SPIN1: variants seen among roughly 807,000 people sequenced by gnomAD.
SPIN1 encodes spindlin-1.
SPIN1 carries 3 observed loss-of-function variants against 26.0 expected under a neutral mutation model. The observed-to-expected ratio is 0.12, with a 90% CI of 0.05 to 0.30. SPIN1 has a LOEUF of 0.30. SPIN1 is among the 10% of genes least tolerant of loss of function. The pLI, the probability that SPIN1 is intolerant of heterozygous loss-of-function variation, is 1.00. For synonymous variants in SPIN1, 101 were observed against 116.5 expected (o/e 0.87, Z 0.86); for missense variants, 126 against 333.4 (o/e 0.38, Z 4.84).
chr9:88,389,941 A>G (rs925566965), intron 1 of SPIN1, among the ~76,000 whole-genome samples: 19 of 150,988 alleles, frequency 1.3e-4, no homozygotes, highest in African/African-American at 4.6e-4. Flanking sequence ...CCTCAGCTTT[A>G]GTTAAAAGGC....
At chr9:88,471,679 A>AAAAAAAAAAT in intron 5 of SPIN1, among the ~76,000 whole-genome samples, 1 of 150,334 alleles carries the variant, frequency 6.7e-6, no homozygotes, top group Non-Finnish European at 1.5e-5. Flanking sequence ...AAAAAAAAAA[A>AAAAAAAAAAT]GAAAATCAGT....
chr9:88,421,408 T>A (rs1379592006), intron 1 of SPIN1, among the ~76,000 whole-genome samples: 2 of 152,096 alleles, frequency 1.3e-5, no homozygotes, highest in Non-Finnish European at 2.9e-5. Context: ...TCTCATGTGA[T>A]CCTCCTACCT....
At chr9:88,426,710 T>C in intron 2 of SPIN1, 119 bp downstream of exon 2, 1 of 790,252 alleles carries the variant, frequency 1.3e-6, no homozygotes, top group Non-Finnish European at 2.0e-6. Context: ...ATTTCTAGTA[T>C]GTTATACACA....
At chr9:88,454,717 A>G (rs1828435850) in intron 3 of SPIN1, among the ~76,000 whole-genome samples, 3 of 152,202 alleles carry the variant, frequency 2.0e-5, no homozygotes, top group Admixed American at 2.0e-4. Flanking sequence ...TTAAGTAGGT[A>G]CTAGTTGGAA....
rs190778107 is a variant in SPIN1, at chr9:88,392,329, C to G, written c.-159+3791C>G. On this transcript the variant is annotated intron_variant, in intron 1 of 5. Coordinates refer to ENST00000375859, the MANE Select transcript of SPIN1 (RefSeq NM_006717.3). The stretch of plus-strand genomic sequence containing the variant: ...CCTTTATAGAACAAGTCGTGTTTGG[C>G]TAAATATATAAACACAGATGTATCC... Among the ~76,000 whole-genome samples the G allele has an allele frequency of 2.0e-5, 3 of 152,204 alleles. No individual in the cohort carries two copies. In the East Asian group the frequency reaches 5.8e-4, roughly 29 times the overall value.
intron 3 of SPIN1, among the ~76,000 whole-genome samples, chr9:88,452,163 C>T (rs1828367682): frequency 6.6e-6 from 1 of 152,136 alleles, no homozygotes; most frequent in Non-Finnish European, 1.5e-5. Flanking sequence ...CGTTGTACTC[C>T]TCCTTGTCCC....
intron 5 of SPIN1, among the ~76,000 whole-genome samples, chr9:88,472,230 C>A (rs1314780356): frequency 6.6e-6 from 1 of 152,140 alleles, no homozygotes; most frequent in African/African-American, 2.4e-5. Context: ...ATTTGTAGAT[C>A]AGTTTTGAAG....
intron 5 of SPIN1, among the ~76,000 whole-genome samples, chr9:88,473,663 A>ATGTGTGTGTGTGTGTG (rs758536638): frequency 6.6e-6 from 1 of 151,506 alleles, no homozygotes; most frequent in African/African-American, 2.4e-5. Context: ...GTGTGTGTGC[A>ATGTGTGTGTGTGTGTG]CGCGCTATGG....
At chr9:88,431,605 A>G (rs1464908678) in intron 2 of SPIN1, among the ~76,000 whole-genome samples, 1 of 151,846 alleles carries the variant, frequency 6.6e-6, no homozygotes, top group Admixed American at 6.6e-5. Flanking sequence ...TGGCATTTTT[A>G]TTTCTCATTC....
At position 88,471,191 on chromosome 9, in the gene SPIN1, C is replaced by T. The variant is rs533186455; in HGVS notation, c.589+2586C>T. Among the ~76,000 whole-genome samples, 17 of 152,200 alleles carry T rather than the reference C, an allele frequency of 1.1e-4. No homozygotes were observed. The East Asian group carries it at 2.1e-3, about 19-fold the overall frequency. On this transcript the variant is annotated intron_variant, in intron 5 of 5. Transcript: ENST00000375859. ...ATCTGAGGTCATAAAGATTTACCCT[C>T]GTTTTCTTATAAGAGTTTTATAATT... is the stretch of plus-strand genomic sequence containing the variant.
intron 1 of SPIN1, chr9:88,410,635 C>A: frequency 9.2e-7 from 1 of 1,087,284 alleles, no homozygotes; most frequent in South Asian, 1.2e-5. Flanking sequence ...ACCATAGGGG[C>A]CAGAGCTTCT....
At chr9:88,461,308 C>A (rs1377439282) in intron 3 of SPIN1, among the ~76,000 whole-genome samples, 1 of 152,126 alleles carries the variant, frequency 6.6e-6, no homozygotes, top group Admixed American at 6.5e-5. Flanking sequence ...TCTGGCCTTA[C>A]AGTCTTGCAC....
chr9:88,472,918 T>A (rs1828817115), intron 5 of SPIN1, among the ~76,000 whole-genome samples: 1 of 152,258 alleles, frequency 6.6e-6, no homozygotes, highest in Non-Finnish European at 1.5e-5. Flanking sequence ...CTCAGTGGCC[T>A]TTCTTCAAAC....
At chr9:88,448,712 T>G (rs751693852) in intron 2 of SPIN1, among the ~76,000 whole-genome samples, 16 of 152,168 alleles carry the variant, frequency 1.1e-4, no homozygotes, top group Non-Finnish European at 2.2e-4. Context: ...ACGGCTGATT[T>G]GAGGGGATAG....
chr9:88,467,063 GT>G (rs546299586), intron 4 of SPIN1, among the ~76,000 whole-genome samples: 1 of 151,508 alleles, frequency 6.6e-6, no homozygotes, highest in African/African-American at 2.4e-5. Context: ...TTGTTTGTTT[GT>G]TTTTTAAAGA....
Position 88,453,821 on chromosome 9 carries a change from C to T in SPIN1, c.101+4832C>T, listed in dbSNP as rs922543076. Among the ~76,000 whole-genome samples, 8 of 152,152 alleles carry T rather than the reference C, an allele frequency of 5.3e-5. No individual in the cohort carries two copies. The East Asian group carries it at 5.8e-4, about 11-fold the overall frequency. ...GATTACAGGCGGGAGCCACCGCGCC[C>T]GCGGTATCTTAAGCACATCGGAGAA... On this transcript the variant is annotated intron_variant, in intron 3 of 5. Coordinates refer to ENST00000375859, the MANE Select transcript of SPIN1 (RefSeq NM_006717.3).
intron 3 of SPIN1, among the ~76,000 whole-genome samples, chr9:88,453,698 G>T (rs1828409270): frequency 6.6e-6 from 1 of 152,112 alleles, no homozygotes; most frequent in South Asian, 2.1e-4. Flanking sequence ...GACTGATTTT[G>T]TATTTTTGGT....
chr9:88,410,656 T>C, intron 1 of SPIN1: 1 of 1,236,042 alleles, frequency 8.1e-7, no homozygotes, highest in Non-Finnish European at 1.2e-6. Flanking sequence ...GCCTCCAAAG[T>C]TTCCTTCCTT....
At position 88,452,804 on chromosome 9, in the gene SPIN1, C is replaced by T. The variant is rs187437592; in HGVS notation, c.101+3815C>T. ...TTCTCTCTTTCTGGTTTGCATCTTG[C>T]AAAAAGACAGTTATTTTGATTTAAC... On this transcript the variant is annotated intron_variant, in intron 3 of 5. Transcript: ENST00000375859. Among the ~76,000 whole-genome samples the T allele has an allele frequency of 2.0e-4, 31 of 152,202 alleles. No individual in the cohort carries two copies. In the East Asian group the frequency reaches 6.0e-3, roughly 29 times the overall value.
Sources: gnomAD v4.1 joint callset for allele counts (sites outside exome capture counted in the v4.1 genomes callset) on GRCh38, gnomAD v4.1.1 for gene constraint, MANE v1.5 for transcripts, NCBI Gene and HGNC (gene_info 2026-07-23, HGNC 2026-07-21) for gene names.